Variants in FA2H observed in about 807,000 individuals in gnomAD.
The protein encoded by FA2H is fatty acid 2-hydroxylase.
In FA2H, 22 loss-of-function variants were observed where a neutral mutation model predicts 44.9. The observed-to-expected ratio is 0.49, with a 90% confidence interval of 0.35 to 0.70. FA2H has a LOEUF of 0.70. Among genes scored for constraint, FA2H ranks in the 30% least tolerant of loss-of-function variants. The pLI is 0.01. For synonymous variants in FA2H, 243 were observed against 213.2 expected (o/e 1.14, Z -1.22); for missense variants, 501 against 504.9 (o/e 0.99, Z 0.07).
intron 1 of FA2H, among the ~76,000 whole-genome samples, chr16:74,771,464 G>A (rs1251494073): frequency 6.6e-6 from 1 of 151,336 alleles, no homozygotes; most frequent in Non-Finnish European, 1.5e-5. Context: ...CAGCTGGGAG[G>A]GCACCACCAC....
Position 74,774,761 on chromosome 16 carries a change from G to C in FA2H, c.-6C>G. 7.7e-7 allele frequency: 1 copy of C among 1,299,144 alleles called. No individual in the cohort carries two copies. The allele number at this position is 1,299,144 out of a possible 1,614,324, so 80.5% of individuals were successfully genotyped here. A position where few individuals can be genotyped will look rare whatever the true frequency, so the allele number is the denominator to read the frequency against. ...GGGGGCGGAGCGGGGGCCATGGCCG[G>C]AGACCGCAGCTCCCAGCGCGCAGCC... is the stretch of plus-strand genomic sequence containing the variant. On this transcript the variant is annotated 5_prime_UTR_variant, in exon 1 of 7. Transcript: ENST00000219368.
chr16:74,763,847 C>G (rs976741533), intron 1 of FA2H, among the ~76,000 whole-genome samples: 22 of 152,214 alleles, frequency 1.4e-4, no homozygotes, highest in Non-Finnish European at 2.9e-4. Flanking sequence ...TTTACTGTAA[C>G]AGGATTTTAA....
At chr16:74,771,122 T>A (rs1381719678) in intron 1 of FA2H, among the ~76,000 whole-genome samples, 1 of 152,202 alleles carries the variant, frequency 6.6e-6, no homozygotes, top group Admixed American at 6.5e-5. Context: ...GGCGGGCCCA[T>A]GAGCCACCGC....
chr16:74,765,105 T>C (rs1962784719), intron 1 of FA2H, among the ~76,000 whole-genome samples: 1 of 152,074 alleles, frequency 6.6e-6, no homozygotes, highest in Non-Finnish European at 1.5e-5. Context: ...TTCTCCATCC[T>C]TTCCATCAAC....
At chr16:74,723,228 G>A (rs181373850) in intron 4 of FA2H, among the ~76,000 whole-genome samples, 64 of 152,228 alleles carry the variant, frequency 4.2e-4, no homozygotes, top group African/African-American at 1.4e-3. Flanking sequence ...CAAAGGATCC[G>A]GGAGCAATAA....
At chr16:74,735,353 T>C (rs757965456) in intron 2 of FA2H, among the ~76,000 whole-genome samples, 15 of 152,106 alleles carry the variant, frequency 9.9e-5, no homozygotes, top group Admixed American at 9.2e-4. Context: ...TGGGACAAGC[T>C]GAAGTCCACA....
chr16:74,758,034 G>A (rs1021696276), intron 1 of FA2H, among the ~76,000 whole-genome samples: 2 of 151,470 alleles, frequency 1.3e-5, no homozygotes, highest in Admixed American at 6.6e-5. Context: ...ATATATATAC[G>A]CATGTATATG....
intron 6 of FA2H, 27 bp from the exon 7 acceptor site, chr16:74,714,296 G>A: frequency 2.1e-6 from 3 of 1,456,302 alleles, no homozygotes; most frequent in Non-Finnish European, 1.9e-6. Context: ...ACGGGGAGAA[G>A]ATGAGGCATT....
At chr16:74,723,383 A>G (rs1961881397) in intron 4 of FA2H, among the ~76,000 whole-genome samples, 1 of 151,778 alleles carries the variant, frequency 6.6e-6, no homozygotes, top group Non-Finnish European at 1.5e-5. Context: ...TCTCAGCTCA[A>G]TCCCTTCCTC....
intron 1 of FA2H, among the ~76,000 whole-genome samples, chr16:74,758,612 A>G (rs965959542): frequency 2.6e-5 from 4 of 152,074 alleles, no homozygotes; most frequent in African/African-American, 9.7e-5. Context: ...ATTAGAGAGT[A>G]TTAATTAATG....
intron 2 of FA2H, 109 bp from the exon 3 acceptor site, chr16:74,727,495 T>A: frequency 1.6e-6 from 2 of 1,236,066 alleles, no homozygotes; most frequent in Admixed American, 1.8e-5. Context: ...TCAGCTCCTG[T>A]GATCTGTGTG....
In FA2H at chr16:74,714,217, T is replaced by G; in HGVS notation, c.1092A>C (p.Pro364=). 2 of 1,566,518 alleles carry G rather than the reference T, an allele frequency of 1.3e-6. No homozygotes were observed. The highest frequency in any genetic ancestry group is 1.7e-6 in the Non-Finnish European group (2 of 1,155,150). Residue 364 remains proline (P), a synonymous_variant, in exon 7 of 7, where the codon CCA becomes CCC. Transcript: ENST00000219368. ...ACTGCGTCTTCAGGTGGGGTTTCTC[T>G]GGAGTGAGGGTGTGGAAACAGTAAT... ...LWDYCFHTLT[P]EKPHLKTQ is the part of the protein sequence containing the mutation.
At chr16:74,767,559 A>T (rs865910768) in intron 1 of FA2H, among the ~76,000 whole-genome samples, 3 of 152,322 alleles carry the variant, frequency 2.0e-5, no homozygotes, top group South Asian at 4.1e-4. Flanking sequence ...TCTAAGTGGA[A>T]GATGGATGTA....
rs1434022606 is a variant in FA2H at position 74,733,802 on chromosome 16, T to C, written c.363+6221A>G. 7.9e-5 allele frequency among the ~76,000 whole-genome samples: 12 copies of C among 152,350 alleles called. No individual in the cohort carries two copies. The East Asian group carries it at 2.1e-3, about 27-fold the overall frequency. ...TCATTGCCATGGGGGTGGGCAGCGCTGCTGACACTGAGCAGCTGCCCCGTC... is the reference window on the plus strand; with the variant it reads ...TCATTGCCATGGGGGTGGGCAGCGCCGCTGACACTGAGCAGCTGCCCCGTC... On this transcript the variant is annotated intron_variant, in intron 2 of 6. Transcript: ENST00000219368.
chr16:74,768,588 G>C (rs117777849), intron 1 of FA2H, among the ~76,000 whole-genome samples: 1 of 152,160 alleles, frequency 6.6e-6, no homozygotes, highest in African/African-American at 2.4e-5. Flanking sequence ...AGAAGGTGGC[G>C]GCAGTTCAGC....
At chr16:74,720,490 C>A (rs1272833990) in intron 4 of FA2H, among the ~76,000 whole-genome samples, 1 of 152,034 alleles carries the variant, frequency 6.6e-6, no homozygotes, top group African/African-American at 2.4e-5. Flanking sequence ...GCCACCGTGC[C>A]CAGCCCATCC....
chr16:74,725,619 T>C (rs565225584), intron 4 of FA2H, among the ~76,000 whole-genome samples: 1 of 152,184 alleles, frequency 6.6e-6, no homozygotes, highest in African/African-American at 2.4e-5. Context: ...TAAAAGGGGA[T>C]AATGACAGGA....
intron 1 of FA2H, among the ~76,000 whole-genome samples, chr16:74,765,305 C>T (rs7192119): frequency 0.1 from 15,446 of 151,916 alleles, 926 homozygotes; most frequent in Middle Eastern, 0.16. Flanking sequence ...TATAGGCATG[C>T]GCCACCACAC....
chr16:74,734,544 G>A (rs1389452867), intron 2 of FA2H, among the ~76,000 whole-genome samples: 2 of 152,250 alleles, frequency 1.3e-5, no homozygotes, highest in Non-Finnish European at 2.9e-5. Context: ...GCCTTAGAGA[G>A]AAGGGGAGGG....
Sources: allele counts gnomAD v4.1 joint callset (sites outside exome capture counted in the v4.1 genomes callset), GRCh38; gene constraint gnomAD v4.1.1; transcripts MANE v1.5; gene names NCBI Gene and HGNC (gene_info 2026-07-23, HGNC 2026-07-21).